Variants in PKN2 observed in about 807,000 individuals in gnomAD.
The protein encoded by PKN2 is protein kinase N2, also known as serine/threonine-protein kinase N2.
PKN2 carries 38 observed loss-of-function variants against 119.1 expected under a neutral mutation model. That is an observed-to-expected ratio of 0.32 (90% CI 0.25 to 0.42). PKN2 has a LOEUF of 0.42. Among genes scored for constraint, PKN2 ranks in the 10% least tolerant of loss-of-function variants. The pLI is 1.00. For synonymous variants in PKN2, 390 were observed against 384.9 expected (o/e 1.01, Z -0.15); for missense variants, 850 against 1,165.1 (o/e 0.73, Z 3.94).
chr1:88,708,327 T>G (rs1393768123), intron 1 of PKN2, among the ~76,000 whole-genome samples: 1 of 152,184 alleles, frequency 6.6e-6, no homozygotes, highest in Non-Finnish European at 1.5e-5. Context: ...ATGAAATAAG[T>G]CATTTTATAA....
rs528374399 is a variant in PKN2, at chr1:88,734,336, T to G, written c.49-6652T>G. Reference sequence around the variant, plus strand: ...TATTTTCTTCTTGTGATTTTGTAGTTTGGGGTCTTACATTTAAGTCTTTAA... The same window carrying G: ...TATTTTCTTCTTGTGATTTTGTAGTGTGGGGTCTTACATTTAAGTCTTTAA... On this transcript the variant is annotated intron_variant, in intron 1 of 21. Coordinates refer to ENST00000370521, the MANE Select transcript of PKN2 (RefSeq NM_006256.4). Among the ~76,000 whole-genome samples the G allele has an allele frequency of 4.6e-5, 7 of 152,290 alleles. No homozygotes were observed. In the East Asian group the frequency reaches 1.3e-3, roughly 29 times the overall value.
intron 1 of PKN2, among the ~76,000 whole-genome samples, chr1:88,699,140 ATCTT>A (rs1425068710): frequency 6.6e-6 from 1 of 151,540 alleles, no homozygotes; most frequent in Non-Finnish European, 1.5e-5. Context: ...TTCCTACAAC[ATCTT>A]TCTTAAACAC....
chr1:88,797,345 A>G (rs1004754002), intron 8 of PKN2, among the ~76,000 whole-genome samples: 62 of 151,496 alleles, frequency 4.1e-4, no homozygotes, highest in Non-Finnish European at 7.4e-4. Context: ...AAAAAAAAAA[A>G]AAAGAAAGAA....
intron 6 of PKN2, among the ~76,000 whole-genome samples, chr1:88,773,035 C>T (rs942505234): frequency 4.6e-5 from 7 of 152,198 alleles, no homozygotes; most frequent in African/African-American, 1.7e-4. Context: ...GGATTGACTC[C>T]TTTACCTTTA....
intron 3 of PKN2, among the ~76,000 whole-genome samples, chr1:88,768,663 G>A (rs1669761300): frequency 6.6e-6 from 1 of 152,196 alleles, no homozygotes; most frequent in Admixed American, 6.5e-5. Flanking sequence ...TTAAGACATT[G>A]ACATCTTCGA....
intron 1 of PKN2, among the ~76,000 whole-genome samples, chr1:88,731,942 G>A (rs1329626729): frequency 6.6e-6 from 1 of 152,152 alleles, no homozygotes; most frequent in Non-Finnish European, 1.5e-5. Context: ...GTTTATGTTT[G>A]AGTCTAAAAA....
chr1:88,721,833 G>C (rs1282300896), intron 1 of PKN2, among the ~76,000 whole-genome samples: 1 of 152,194 alleles, frequency 6.6e-6, no homozygotes, highest in African/African-American at 2.4e-5. Context: ...TAAACCTCAG[G>C]AATCTGTGAA....
chr1:88,799,330 A>G (rs527322745), intron 8 of PKN2, among the ~76,000 whole-genome samples: 130 of 152,280 alleles, frequency 8.5e-4, no homozygotes, highest in African/African-American at 3.0e-3. Context: ...ATATGATCCC[A>G]AAGTTTCCCT....
chr1:88,748,349 T>C (rs1435800794), intron 2 of PKN2, among the ~76,000 whole-genome samples: 1 of 152,202 alleles, frequency 6.6e-6, no homozygotes, highest in East Asian at 1.9e-4. Flanking sequence ...TTATAAAGTA[T>C]ATAAGTTTTT....
chr1:88,819,396 A>G (rs115245369), intron 16 of PKN2, among the ~76,000 whole-genome samples: 2,462 of 151,994 alleles, frequency 0.016, 26 homozygotes, highest in East Asian at 0.051. Context: ...ACATTTATCC[A>G]AAAAACATAT....
intron 1 of PKN2, among the ~76,000 whole-genome samples, chr1:88,728,798 C>T (rs568945146): frequency 8.6e-5 from 13 of 151,524 alleles, no homozygotes; most frequent in African/African-American, 1.2e-4. Flanking sequence ...AAGTTGGAGA[C>T]GTCATTATGA....
chr1:88,742,462 A>G (rs945692010), intron 2 of PKN2, among the ~76,000 whole-genome samples: 1 of 152,150 alleles, frequency 6.6e-6, no homozygotes, highest in Non-Finnish European at 1.5e-5. Flanking sequence ...AATAATCGAA[A>G]CTTTAAAATG....
chr1:88,748,354 G>A (rs1171086995), intron 2 of PKN2, among the ~76,000 whole-genome samples: 1 of 152,110 alleles, frequency 6.6e-6, no homozygotes, highest in Non-Finnish European at 1.5e-5. Context: ...AAGTATATAA[G>A]TTTTTGAGAA....
chr1:88,694,798 T>A (rs1295454095), intron 1 of PKN2, among the ~76,000 whole-genome samples: 1 of 152,230 alleles, frequency 6.6e-6, no homozygotes. Context: ...TTGGTCATTC[T>A]AATAAGTGTA....
intron 18 of PKN2, among the ~76,000 whole-genome samples, chr1:88,825,468 C>T (rs192001164): frequency 1.6e-4 from 25 of 152,252 alleles, no homozygotes; most frequent in African/African-American, 6.0e-4. Context: ...TATTTTCCGC[C>T]GGTAGTCTGG....
At chr1:88,692,262 C>T (rs888496065) in intron 1 of PKN2, among the ~76,000 whole-genome samples, 4 of 151,860 alleles carry the variant, frequency 2.6e-5, no homozygotes, top group African/African-American at 9.7e-5. Flanking sequence ...TATCCACTCT[C>T]CCTTGTTGGG....
chr1:88,811,261 T>A (rs982148469), intron 15 of PKN2, among the ~76,000 whole-genome samples: 2 of 152,218 alleles, frequency 1.3e-5, no homozygotes, highest in Non-Finnish European at 2.9e-5. Context: ...ATTTTTGTGT[T>A]TGTAGAAGAA....
intron 19 of PKN2, chr1:88,829,312 A>G (rs1343687969): frequency 1.7e-6 from 1 of 597,538 alleles, no homozygotes; most frequent in East Asian, 3.0e-5. Flanking sequence ...CACATGTGCT[A>G]TCAAAAGTAT....
At chr1:88,761,820 A>G (rs1341711752) in intron 3 of PKN2, among the ~76,000 whole-genome samples, 1 of 152,070 alleles carries the variant, frequency 6.6e-6, no homozygotes, top group Non-Finnish European at 1.5e-5. Flanking sequence ...AACTTTGAAC[A>G]TTTGTTATTG....
Sources: gnomAD v4.1 joint callset for allele counts (sites outside exome capture counted in the v4.1 genomes callset) on GRCh38, gnomAD v4.1.1 for gene constraint, MANE v1.5 for transcripts, NCBI Gene and HGNC (gene_info 2026-07-23, HGNC 2026-07-21) for gene names.